PTPRT: variants seen among roughly 807,000 people sequenced by gnomAD.
PTPRT encodes receptor-type tyrosine-protein phosphatase T.
PTPRT carries 56 observed loss-of-function variants against 176.8 expected under a neutral mutation model. The ratio of observed to expected loss-of-function variants is 0.32; its 90% CI spans 0.26 to 0.40. PTPRT has a LOEUF of 0.40. Ranked by LOEUF, PTPRT falls within the 10% of genes least tolerant of loss-of-function variation. The probability of loss-of-function intolerance (pLI) is 1.00; values close to 1 mark genes in which losing one functional copy is unlikely to be tolerated. For synonymous variants in PTPRT, 783 were observed against 739.0 expected (o/e 1.06, Z -0.96); for missense variants, 1,540 against 1,908.2 (o/e 0.81, Z 3.60).
At chr20:43,077,564 C>A (rs538448242) in intron 1 of PTPRT, among the ~76,000 whole-genome samples, 4 of 152,290 alleles carry the variant, frequency 2.6e-5, no homozygotes, top group African/African-American at 7.2e-5. Context: ...AAGCTAAGAG[C>A]TCAGCTTTCA....
intron 1 of PTPRT, among the ~76,000 whole-genome samples, chr20:42,915,581 G>A (rs1476149861): frequency 1.3e-5 from 2 of 152,126 alleles, no homozygotes; most frequent in Non-Finnish European, 2.9e-5. Context: ...GTGAATCACG[G>A]CTACTCAGTT....
rs369232610 is a variant in PTPRT at position 42,706,179 on chromosome 20, T to TTGTGTGTGTGTGTGTG, written c.860-28036_860-28021dup. On this transcript the variant is annotated intron_variant, in intron 6 of 30. Coordinates refer to ENST00000373187, the MANE Select transcript of PTPRT (RefSeq NM_007050.6). ...TCTTTATCTCTCTCTCTCTCTCTGT[T>TTGTGTGTGTGTGTGTG]TGTGTGTGTGTGTGTGTGTGTGTGT... Among the ~76,000 whole-genome samples, 2 of 123,452 alleles carry TTGTGTGTGTGTGTGTG rather than the reference T, an allele frequency of 1.6e-5. 1 individual carries two copies. The highest frequency in any genetic ancestry group is 1.7e-4 in the Admixed American group (2 of 11,832). 81.0% of individuals were successfully genotyped at this position (123,452 alleles called of 152,430 possible). A position where few individuals can be genotyped will look rare whatever the true frequency, so the allele number is the denominator to read the frequency against.
intron 6 of PTPRT, among the ~76,000 whole-genome samples, chr20:42,694,124 C>T (rs1314508351): frequency 6.6e-6 from 1 of 151,680 alleles, no homozygotes; most frequent in Non-Finnish European, 1.5e-5. Context: ...CTGCAACCTC[C>T]ACCTCCCAGG....
At chr20:42,881,337 G>A (rs1046304874) in intron 2 of PTPRT, among the ~76,000 whole-genome samples, 6 of 152,138 alleles carry the variant, frequency 3.9e-5, no homozygotes, top group Non-Finnish European at 8.8e-5. Flanking sequence ...GCAAAGAACA[G>A]GATGTTATGA....
intron 6 of PTPRT, among the ~76,000 whole-genome samples, chr20:42,684,268 C>A (rs1157270507): frequency 6.6e-6 from 1 of 151,846 alleles, no homozygotes. Context: ...TCGCTTGGAC[C>A]TGGGAGGCAG....
chr20:42,886,080 G>C (rs1023939337), intron 1 of PTPRT, 148 bp from the exon 2 acceptor site: 1 of 381,900 alleles, frequency 2.6e-6, no homozygotes, highest in Non-Finnish European at 3.8e-6. Context: ...TAAAAGATGA[G>C]CAAATTGGAT....
At chr20:43,151,317 C>A (rs1167953471) in intron 1 of PTPRT, among the ~76,000 whole-genome samples, 2,128 of 107,696 alleles carry the variant, frequency 0.02, no homozygotes, top group African/African-American at 0.027. Flanking sequence ...CCGTCTCAAA[C>A]AAAAAAAAAA....
At chr20:42,159,662 G>A (rs1466525631) in intron 17 of PTPRT, among the ~76,000 whole-genome samples, 1 of 152,046 alleles carries the variant, frequency 6.6e-6, no homozygotes, top group African/African-American at 2.4e-5. Context: ...AATATGAAAA[G>A]TGCTATTTTA....
Position 43,083,332 on chromosome 20 carries a change from A to G in PTPRT, c.88+106314T>C, listed in dbSNP as rs1465844605. Among the ~76,000 whole-genome samples the G allele has an allele frequency of 6.9e-3, 678 of 97,634 alleles. 73 individuals carry two copies. The highest frequency in any genetic ancestry group is 0.027 in the African/African-American group (549 of 20,042). 64.1% of individuals were successfully genotyped at this position (97,634 alleles called of 152,430 possible). A position where few individuals can be genotyped will look rare whatever the true frequency, so the allele number is the denominator to read the frequency against. The stretch of plus-strand genomic sequence containing the variant: ...ACCCACTTCAAATGTATATATATAT[A>G]TATATATATATATATATATATATAT... On this transcript the variant is annotated intron_variant, in intron 1 of 30. Transcript: ENST00000373187.
chr20:42,519,055 A>G (rs1343918992), intron 7 of PTPRT, among the ~76,000 whole-genome samples: 1 of 152,088 alleles, frequency 6.6e-6, no homozygotes, highest in African/African-American at 2.4e-5. Flanking sequence ...TCATGTTTAT[A>G]CAGTCAAGAC....
At chr20:43,030,724 G>T (rs149006044) in intron 1 of PTPRT, among the ~76,000 whole-genome samples, 2 of 152,324 alleles carry the variant, frequency 1.3e-5, no homozygotes, top group Non-Finnish European at 2.9e-5. Flanking sequence ...GGGGAATGAG[G>T]TGGTCTTCCT....
chr20:42,871,692 T>G (rs968025082), intron 2 of PTPRT, among the ~76,000 whole-genome samples: 1 of 143,052 alleles, frequency 7.0e-6, no homozygotes, highest in Non-Finnish European at 1.5e-5. Context: ...CATGTGGATA[T>G]TCAATTTACT....
intron 1 of PTPRT, among the ~76,000 whole-genome samples, chr20:43,119,005 C>A (rs1216354628): frequency 6.6e-6 from 1 of 152,142 alleles, no homozygotes; most frequent in South Asian, 2.1e-4. Flanking sequence ...TTCATTAAAG[C>A]CCTTTTTACA....
intron 1 of PTPRT, among the ~76,000 whole-genome samples, chr20:43,023,856 C>T (rs1439174475): frequency 6.6e-6 from 1 of 152,152 alleles, no homozygotes; most frequent in African/African-American, 2.4e-5. Flanking sequence ...CATCAAAGTG[C>T]CTCTGGCCCC....
At position 43,167,405 on chromosome 20, in the gene PTPRT, C is replaced by T. The variant is rs556659660; in HGVS notation, c.88+22241G>A. ...CATCCTATGTCCATAGAAGTGAAGC[C>T]TTCTGTAACAAGGCTCTGAATAATG... On this transcript the variant is annotated intron_variant, in intron 1 of 30. Transcript: ENST00000373187. 3.3e-5 allele frequency among the ~76,000 whole-genome samples: 5 copies of T among 152,140 alleles called. No homozygotes were observed. The East Asian group carries it at 9.7e-4, about 29-fold the overall frequency.
chr20:42,151,958 A>G (rs1989153233), intron 17 of PTPRT, among the ~76,000 whole-genome samples: 2 of 152,212 alleles, frequency 1.3e-5, no homozygotes, highest in Non-Finnish European at 2.9e-5. Flanking sequence ...TGGGAGCCTA[A>G]GGTCTGGTCT....
intron 2 of PTPRT, among the ~76,000 whole-genome samples, chr20:42,857,887 C>T (rs1443591309): frequency 1.3e-5 from 2 of 152,156 alleles, no homozygotes; most frequent in Non-Finnish European, 2.9e-5. Flanking sequence ...ACCCCTATTC[C>T]CTCTACAATC....
chr20:42,430,567 G>A (rs2059206975), intron 9 of PTPRT, among the ~76,000 whole-genome samples: 1 of 152,306 alleles, frequency 6.6e-6, no homozygotes, highest in South Asian at 2.1e-4. Context: ...GGCATGGCTG[G>A]TGATGTATCA....
intron 13 of PTPRT, among the ~76,000 whole-genome samples, chr20:42,252,635 C>G (rs1315464112): frequency 1.3e-5 from 2 of 152,170 alleles, no homozygotes; most frequent in Non-Finnish European, 2.9e-5. Context: ...AGTCCACACA[C>G]AAAGGAAAGT....
Sources: allele counts gnomAD v4.1 joint callset (sites outside exome capture counted in the v4.1 genomes callset), GRCh38; gene constraint gnomAD v4.1.1; transcripts MANE v1.5; gene names NCBI Gene and HGNC (gene_info 2026-07-23, HGNC 2026-07-21).